The following PPP2R2B variants were observed in gnomAD, a reference collection of about 807,000 sequenced individuals.
The protein encoded by PPP2R2B is protein phosphatase 2 regulatory subunit Bbeta, also known as serine/threonine-protein phosphatase 2A 55 kDa regulatory subunit B beta isoform.
In PPP2R2B, 5 loss-of-function variants were observed where a neutral mutation model predicts 46.0. The observed-to-expected ratio is 0.11, with a 90% confidence interval of 0.06 to 0.23. The LOEUF (loss-of-function observed/expected upper bound fraction) is 0.23, where lower values mean the gene tolerates loss of function less well. Ranked by LOEUF, PPP2R2B falls within the 10% of genes least tolerant of loss-of-function variation. The probability of loss-of-function intolerance (pLI) is 1.00; values close to 1 mark genes in which losing one functional copy is unlikely to be tolerated. For missense variants in PPP2R2B, 367 were observed against 575.0 expected, an observed-to-expected ratio of 0.64 and a Z score of 3.70; for synonymous variants, 215 against 206.7, an observed-to-expected ratio of 1.04 and a Z score of -0.34.
At chr5:146,712,905 T>C (rs1023347802) in intron 2 of PPP2R2B, among the ~76,000 whole-genome samples, 13 of 152,152 alleles carry the variant, frequency 8.5e-5, no homozygotes, top group African/African-American at 2.9e-4. Flanking sequence ...CAAATGTACA[T>C]TGAACACACC....
intron 2 of PPP2R2B, among the ~76,000 whole-genome samples, chr5:146,838,095 A>G (rs1759403122): frequency 6.6e-6 from 1 of 152,220 alleles, no homozygotes; most frequent in Non-Finnish European, 1.5e-5. Flanking sequence ...TATATGTTGA[A>G]TGAATAAATG....
chr5:147,056,211 TGCCCTGGAGAGAGATGGCTGTTAAAAGGA>T (rs1757078158), upstream of PPP2R2B: 1 of 808,544 alleles, frequency 1.2e-6, no homozygotes, highest in Non-Finnish European at 1.5e-6. Context: ...CATAGTGTTC[TGCCCTGGAGAGAGATGGCTGTTAAAAGGA>T]GCCACCCGTA....
chr5:147,047,921 G>T (rs1301425101), intron 1 of PPP2R2B, among the ~76,000 whole-genome samples: 1 of 152,030 alleles, frequency 6.6e-6, no homozygotes, highest in Non-Finnish European at 1.5e-5. Context: ...TTTTCTCCCA[G>T]AGCCCTTCCC....
intron 1 of PPP2R2B, among the ~76,000 whole-genome samples, chr5:146,984,509 A>G (rs1289763007): frequency 6.6e-6 from 1 of 152,206 alleles, no homozygotes; most frequent in Non-Finnish European, 1.5e-5. Flanking sequence ...GACTGATTCC[A>G]TAACTTGGCT....
intron 2 of PPP2R2B, among the ~76,000 whole-genome samples, chr5:146,853,516 C>T (rs1036633134): frequency 6.6e-6 from 1 of 152,082 alleles, no homozygotes; most frequent in African/African-American, 2.4e-5. Context: ...CTTAACCTTT[C>T]TGAGCTTCTT....
chr5:146,705,205 T>C (rs550420211), intron 2 of PPP2R2B, among the ~76,000 whole-genome samples: 35 of 152,322 alleles, frequency 2.3e-4, no homozygotes, highest in African/African-American at 7.7e-4. Flanking sequence ...GTAGATAATA[T>C]CATAAAGTCA....
At chr5:146,917,145 T>G (rs1385555071) in intron 1 of PPP2R2B, among the ~76,000 whole-genome samples, 44 of 152,152 alleles carry the variant, frequency 2.9e-4, no homozygotes, top group Admixed American at 2.9e-3. Flanking sequence ...TTCCTTTGAG[T>G]CTATTTGCTG....
At chr5:147,007,343 T>C (rs1022149664) in intron 1 of PPP2R2B, among the ~76,000 whole-genome samples, 3 of 152,106 alleles carry the variant, frequency 2.0e-5, no homozygotes, top group East Asian at 1.9e-4. Context: ...GGATAACTTT[T>C]CTGTCTAGCT....
intron 5 of PPP2R2B, among the ~76,000 whole-genome samples, chr5:146,656,980 G>A (rs760977411): frequency 2.0e-5 from 3 of 152,114 alleles, no homozygotes; most frequent in Non-Finnish European, 4.4e-5. Flanking sequence ...TTCCCAGAAC[G>A]CATTTACTAA....
At chr5:146,627,885 C>T (rs1329262917) in intron 7 of PPP2R2B, among the ~76,000 whole-genome samples, 2 of 152,124 alleles carry the variant, frequency 1.3e-5, no homozygotes, top group Non-Finnish European at 2.9e-5. Flanking sequence ...TCAAACTTTG[C>T]CTTCTTCTCA....
In PPP2R2B at chr5:146,583,081, A is replaced by ATG. The variant is rs1769979722; in HGVS notation, c.*6865_*6866insCA. On this transcript the variant is annotated 3_prime_UTR_variant, in exon 10 of 10. Coordinates refer to ENST00000394411, the MANE Select transcript of PPP2R2B (RefSeq NM_181675.4). ...AGAGTGTTGTGAATTCCATATATATATAGCATATGCTGTTTTGCCTCCACT... is the reference window on the plus strand; with the variant it reads ...AGAGTGTTGTGAATTCCATATATATATGTAGCATATGCTGTTTTGCCTCCACT... 6.6e-6 allele frequency: 1 copy of ATG among 152,140 alleles called. No individual in the cohort carries two copies. Among genetic ancestry groups the ATG allele is most frequent in the African/African-American group, 2.4e-5 (1 of 41,400 alleles). 9.4% of individuals were successfully genotyped at this position (152,140 alleles called of 1,614,324 possible). A position where few individuals can be genotyped will look rare whatever the true frequency, so the allele number is the denominator to read the frequency against.
intron 2 of PPP2R2B, among the ~76,000 whole-genome samples, chr5:146,737,939 C>G (rs993166817): frequency 6.7e-6 from 1 of 148,876 alleles, no homozygotes; most frequent in African/African-American, 2.6e-5. Context: ...GACCCTGTCT[C>G]AAAAAACAAA....
chr5:146,841,447 T>A (rs989026566), intron 2 of PPP2R2B, among the ~76,000 whole-genome samples: 4 of 152,132 alleles, frequency 2.6e-5, no homozygotes, highest in African/African-American at 7.2e-5. Flanking sequence ...ACTATTTGCA[T>A]TTTCTGATTG....
At chr5:147,040,808 TA>T (rs35011506) in intron 1 of PPP2R2B, 27,243 of 393,256 alleles carry the variant, frequency 0.069, 418 homozygotes, top group African/African-American at 0.13. Context: ...TGAGTTTCCT[TA>T]AAAAAAAAAA....
chr5:146,824,468 T>C (rs776988506), intron 2 of PPP2R2B, among the ~76,000 whole-genome samples: 25 of 152,188 alleles, frequency 1.6e-4, no homozygotes, highest in Non-Finnish European at 3.5e-4. Flanking sequence ...TCAATAGCTA[T>C]AGAATTAGCA....
At chr5:146,966,419 C>T (rs907861863) in intron 1 of PPP2R2B, among the ~76,000 whole-genome samples, 2 of 152,134 alleles carry the variant, frequency 1.3e-5, no homozygotes, top group South Asian at 2.1e-4. Context: ...CCTCTATCTT[C>T]GCGCAGTTGT....
At chr5:146,960,329 A>T (rs1399883650) in intron 1 of PPP2R2B, among the ~76,000 whole-genome samples, 1 of 152,038 alleles carries the variant, frequency 6.6e-6, no homozygotes, top group South Asian at 2.1e-4. Flanking sequence ...TCACTCTGTC[A>T]CCCAGGCTGG....
At chr5:146,706,304 C>G in intron 2 of PPP2R2B, 1 of 540,372 alleles carries the variant, frequency 1.9e-6, no homozygotes, top group Non-Finnish European at 3.4e-6. Flanking sequence ...GCTGAAGGAG[C>G]TGGAACCTGC....
rs1371940316 is a variant in PPP2R2B, at chr5:146,698,151, G to A, written c.169-7C>T. The stretch of plus-strand genomic sequence containing the variant: ...GATGAACCTGATTTTTACTCTGTAG[G>A]AAAGGAAAAAAATACACAACAGATT... On this transcript the variant is annotated splice_polypyrimidine_tract_variant and splice_region_variant and intron_variant, in intron 3 of 9. Transcript: ENST00000394411. The A allele has an allele frequency of 6.4e-7, 1 of 1,569,878 alleles. No homozygotes were observed. The highest frequency in any genetic ancestry group is 2.0e-5 in the Admixed American group (1 of 48,840).
Sources: gnomAD v4.1 joint callset for allele counts (sites outside exome capture counted in the v4.1 genomes callset) on GRCh38, gnomAD v4.1.1 for gene constraint, MANE v1.5 for transcripts, NCBI Gene and HGNC (gene_info 2026-07-23, HGNC 2026-07-21) for gene names.